The following HS3ST4 variants were observed in gnomAD, a reference collection of about 807,000 sequenced individuals.
HS3ST4 encodes heparan sulfate-glucosamine 3-sulfotransferase 4, also known as heparan sulfate glucosamine 3-O-sulfotransferase 4.
In HS3ST4, 17 loss-of-function variants were observed where a neutral mutation model predicts 29.2. The observed-to-expected ratio is 0.58, with a 90% CI of 0.40 to 0.87. The LOEUF is 0.87. Among genes scored for constraint, HS3ST4 ranks in the 40% least tolerant of loss-of-function variants. The pLI is 0.00. For missense variants in HS3ST4, 627 were observed against 634.5 expected (o/e 0.99, Z 0.13); for synonymous variants, 314 against 285.7 (o/e 1.10, Z -1.00).
At chr16:25,764,117 G>A (rs1300061599) in intron 1 of HS3ST4, among the ~76,000 whole-genome samples, 1 of 152,174 alleles carries the variant, frequency 6.6e-6, no homozygotes, top group Non-Finnish European at 1.5e-5. Flanking sequence ...AGTGATGCAG[G>A]GAGCACAGAA....
intron 1 of HS3ST4, among the ~76,000 whole-genome samples, chr16:26,115,685 G>A (rs1160067783): frequency 6.6e-6 from 1 of 152,108 alleles, no homozygotes; most frequent in Non-Finnish European, 1.5e-5. Context: ...TGAGGGAGAA[G>A]GAGCCTGTGC....
intron 1 of HS3ST4, among the ~76,000 whole-genome samples, chr16:26,089,372 T>C (rs926287884): frequency 1.2e-4 from 19 of 152,140 alleles, no homozygotes; most frequent in African/African-American, 3.9e-4. Flanking sequence ...TGATAAAGCA[T>C]GTATCCAGCT....
At chr16:26,053,720 AAT>A (rs915418636) in intron 1 of HS3ST4, among the ~76,000 whole-genome samples, 3 of 152,106 alleles carry the variant, frequency 2.0e-5, no homozygotes, top group Non-Finnish European at 4.4e-5. Flanking sequence ...GCGATTTACC[AAT>A]ATATATATAA....
At chr16:25,802,101 A>G (rs930189837) in intron 1 of HS3ST4, among the ~76,000 whole-genome samples, 2 of 151,982 alleles carry the variant, frequency 1.3e-5, no homozygotes, top group Non-Finnish European at 2.9e-5. Flanking sequence ...AGCAAACAAC[A>G]TGAGACAGAC....
intron 1 of HS3ST4, among the ~76,000 whole-genome samples, chr16:26,075,047 G>A (rs1898645568): frequency 6.6e-6 from 1 of 152,150 alleles, no homozygotes; most frequent in South Asian, 2.1e-4. Context: ...ACAAAAATTA[G>A]CTGGGCGTGG....
Position 26,136,041 on chromosome 16 carries a change from C to T in HS3ST4, c.1164C>T (p.Phe388=), listed in dbSNP as rs528453170. 2 of 1,613,872 alleles carry T rather than the reference C, an allele frequency of 1.2e-6. No homozygotes were observed. The highest frequency in any genetic ancestry group is 2.7e-5 in the African/African-American group (2 of 75,016). The change falls in exon 2 of 2, where the codon TTC becomes TTT. Residue 388 remains phenylalanine, a synonymous_variant. Coordinates refer to ENST00000331351, the MANE Select transcript of HS3ST4 (RefSeq NM_006040.3). ...KRVVTEKHFY[F]NKTKGFPCLK... ...TTGTGACTGAGAAGCATTTCTATTT[C>T]AACAAAACCAAGGGGTTCCCTTGCC... is the stretch of plus-strand genomic sequence containing the variant.
intron 1 of HS3ST4, among the ~76,000 whole-genome samples, chr16:26,095,285 C>T (rs1009365938): frequency 6.6e-6 from 1 of 152,194 alleles, no homozygotes; most frequent in African/African-American, 2.4e-5. Flanking sequence ...ATCTACAGAA[C>T]TCTCCACCCC....
At chr16:25,826,153 A>G (rs1967212334) in intron 1 of HS3ST4, 1 of 152,222 alleles carries the variant, frequency 6.6e-6, no homozygotes, top group Admixed American at 6.5e-5. Context: ...GCTCAGAAAG[A>G]TGATCTCCTG....
chr16:25,927,020 C>G (rs1205570559), intron 1 of HS3ST4, among the ~76,000 whole-genome samples: 1 of 152,060 alleles, frequency 6.6e-6, no homozygotes, highest in Non-Finnish European at 1.5e-5. Context: ...CGAGATTGTG[C>G]CGTTGCACTC....
At chr16:26,127,451 CA>C (rs773875938) in intron 1 of HS3ST4, among the ~76,000 whole-genome samples, 1 of 152,182 alleles carries the variant, frequency 6.6e-6, no homozygotes, top group Non-Finnish European at 1.5e-5. Context: ...TTACTCAAAA[CA>C]AAACAAAATT....
At chr16:25,854,983 T>G (rs1178807383) in intron 1 of HS3ST4, among the ~76,000 whole-genome samples, 1 of 152,110 alleles carries the variant, frequency 6.6e-6, no homozygotes, top group Non-Finnish European at 1.5e-5. Flanking sequence ...TGGCTTTATA[T>G]ATTTTGGGGA....
At chr16:25,827,165 A>T (rs868405831) in intron 1 of HS3ST4, among the ~76,000 whole-genome samples, 1 of 152,138 alleles carries the variant, frequency 6.6e-6, no homozygotes, top group African/African-American at 2.4e-5. Context: ...TTGAGATCCA[A>T]CGTAGCTGCT....
rs1344739736 is a variant in HS3ST4, at chr16:26,017,490, GA to G, written c.735-118119del. 6.6e-5 allele frequency among the ~76,000 whole-genome samples: 10 copies of G among 152,312 alleles called. No individual in the cohort carries two copies. The South Asian group carries it at 1.9e-3, about 28-fold the overall frequency. On this transcript the variant is annotated intron_variant, in intron 1 of 1. Transcript: ENST00000331351. ...AATTGGCCAGTTTGCAGTCAGAAATGAAAGAAAAGAGAGAGCTTCCAGAAAT... is the reference window on the plus strand; with the variant it reads ...AATTGGCCAGTTTGCAGTCAGAAATGAAGAAAAGAGAGAGCTTCCAGAAAT...
At chr16:26,028,094 G>A (rs1034969052) in intron 1 of HS3ST4, among the ~76,000 whole-genome samples, 3 of 151,998 alleles carry the variant, frequency 2.0e-5, no homozygotes, top group Admixed American at 6.6e-5. Context: ...CCAACATGGT[G>A]AAACCCTGTC....
At chr16:25,747,458 C>T (rs917402591) in intron 1 of HS3ST4, among the ~76,000 whole-genome samples, 4 of 152,244 alleles carry the variant, frequency 2.6e-5, no homozygotes, top group East Asian at 1.9e-4. Flanking sequence ...GTCCAGAACT[C>T]GCAACCTGTG....
intron 1 of HS3ST4, among the ~76,000 whole-genome samples, chr16:25,709,169 T>C (rs1966398955): frequency 6.6e-6 from 1 of 152,118 alleles, no homozygotes; most frequent in South Asian, 2.1e-4. Flanking sequence ...GCTCAGATGG[T>C]TGACTGAGTT....
chr16:25,991,488 G>C (rs1278981427), intron 1 of HS3ST4, among the ~76,000 whole-genome samples: 2 of 152,202 alleles, frequency 1.3e-5, no homozygotes, highest in African/African-American at 4.8e-5. Flanking sequence ...ATAGTCTCTT[G>C]AGGAAATAGT....
intron 1 of HS3ST4, among the ~76,000 whole-genome samples, chr16:25,978,494 G>T (rs968731227): frequency 6.6e-6 from 1 of 152,206 alleles, no homozygotes; most frequent in Admixed American, 6.6e-5. Flanking sequence ...TTGGCCAGGG[G>T]CCATAGCTCA....
intron 1 of HS3ST4, among the ~76,000 whole-genome samples, chr16:25,704,200 T>A (rs923973335): frequency 2.6e-5 from 4 of 152,224 alleles, no homozygotes; most frequent in African/African-American, 9.7e-5. Flanking sequence ...TTGGGAAGTG[T>A]AGCTAAGAAT....
Sources: gnomAD v4.1 joint callset for allele counts (sites outside exome capture counted in the v4.1 genomes callset) on GRCh38, gnomAD v4.1.1 for gene constraint, MANE v1.5 for transcripts, NCBI Gene and HGNC (gene_info 2026-07-23, HGNC 2026-07-21) for gene names.